The following GULP1 variants were observed in gnomAD, a reference collection of about 807,000 sequenced individuals.
GULP1 encodes the protein PTB domain-containing engulfment adapter protein 1.
Under a neutral mutation model 40.9 loss-of-function variants are expected in GULP1, and 19 were observed. The ratio of observed to expected loss-of-function variants is 0.46; its 90% CI spans 0.32 to 0.68. The LOEUF (loss-of-function observed/expected upper bound fraction) is 0.68. GULP1 is among the 30% of genes least tolerant of loss of function. The pLI is 0.03. For missense variants in GULP1, 312 were observed against 362.2 expected (o/e 0.86, Z 1.12); for synonymous variants, 119 against 117.6 (o/e 1.01, Z -0.08).
chr2:188,407,964 A>C (rs1394789953), intron 2 of GULP1, among the ~76,000 whole-genome samples: 2 of 152,252 alleles, frequency 1.3e-5, no homozygotes, highest in Non-Finnish European at 2.9e-5. Context: ...AATTCCATGT[A>C]AATGGAAACC....
At chr2:188,558,723 G>A (rs910278877) in intron 7 of GULP1, among the ~76,000 whole-genome samples, 47 of 152,316 alleles carry the variant, frequency 3.1e-4, no homozygotes, top group African/African-American at 1.1e-3. Flanking sequence ...TAAGGTCCAG[G>A]TTGAGGTGGT....
At chr2:188,365,528 G>T (rs2046669410) in intron 1 of GULP1, among the ~76,000 whole-genome samples, 1 of 152,178 alleles carries the variant, frequency 6.6e-6, no homozygotes, top group African/African-American at 2.4e-5. Context: ...TAAAATTCTT[G>T]AGTGCTACCA....
intron 1 of GULP1, among the ~76,000 whole-genome samples, chr2:188,301,570 A>G (rs1427291342): frequency 6.6e-6 from 1 of 152,190 alleles, no homozygotes. Context: ...GGGGAAGTCA[A>G]TCCTACTCCT....
intron 2 of GULP1, among the ~76,000 whole-genome samples, chr2:188,443,695 T>G (rs1393796090): frequency 6.6e-6 from 1 of 151,418 alleles, no homozygotes; most frequent in Non-Finnish European, 1.5e-5. Context: ...CTTTTCTTTT[T>G]TTTTTTTTTG....
intron 4 of GULP1, among the ~76,000 whole-genome samples, chr2:188,498,914 T>C (rs1337028729): frequency 6.6e-6 from 1 of 151,418 alleles, no homozygotes; most frequent in East Asian, 1.9e-4. Context: ...AATCTGGCTT[T>C]ACGTGGAGAA....
intron 1 of GULP1, among the ~76,000 whole-genome samples, chr2:188,360,531 C>T (rs2045942386): frequency 6.6e-6 from 1 of 151,804 alleles, no homozygotes; most frequent in South Asian, 2.1e-4. Flanking sequence ...CTGCTTCCAC[C>T]TGTGAAATCT....
chr2:188,532,245 A>G (rs114339340), intron 6 of GULP1, among the ~76,000 whole-genome samples: 3,674 of 152,288 alleles, frequency 0.024, 94 homozygotes, highest in African/African-American at 0.05. Context: ...GAATGTTTCA[A>G]ATTTTTTGTT....
At chr2:188,367,229 T>C (rs1197752555) in intron 1 of GULP1, among the ~76,000 whole-genome samples, 4 of 152,170 alleles carry the variant, frequency 2.6e-5, no homozygotes, top group African/African-American at 9.7e-5. Flanking sequence ...TCCCACTGTT[T>C]ATAGTTTTTC....
At chr2:188,369,043 A>G (rs976089235) in intron 1 of GULP1, among the ~76,000 whole-genome samples, 31 of 146,236 alleles carry the variant, frequency 2.1e-4, no homozygotes, top group Admixed American at 4.8e-4. Context: ...TCTCACTGCA[A>G]CCTGCCTCCT....
chr2:188,553,503 G>A (rs1184281620), intron 7 of GULP1, among the ~76,000 whole-genome samples: 2 of 151,958 alleles, frequency 1.3e-5, no homozygotes, highest in African/African-American at 4.8e-5. Flanking sequence ...CGCATCTCTG[G>A]TATAAATCCC....
At chr2:188,479,930 C>G (rs963441068) in intron 3 of GULP1, among the ~76,000 whole-genome samples, 2 of 152,038 alleles carry the variant, frequency 1.3e-5, no homozygotes, top group Admixed American at 6.6e-5. Context: ...TTGCTTCATT[C>G]TCTTTGAATT....
chr2:188,529,893 T>C (rs1687133851), intron 6 of GULP1, among the ~76,000 whole-genome samples: 1 of 152,152 alleles, frequency 6.6e-6, no homozygotes, highest in South Asian at 2.1e-4. Context: ...ACAAATTAAA[T>C]TTAGCAGAGT....
chr2:188,370,667 T>C (rs1559160763), intron 1 of GULP1, among the ~76,000 whole-genome samples: 1 of 152,216 alleles, frequency 6.6e-6, no homozygotes, highest in Non-Finnish European at 1.5e-5. Flanking sequence ...TAAAACATAA[T>C]AAAGATTGCA....
At chr2:188,593,415 G>T (rs1002530392) in intron 11 of GULP1, 2 of 152,102 alleles carry the variant, frequency 1.3e-5, no homozygotes, top group African/African-American at 4.8e-5. Context: ...GCTAGTAGGG[G>T]AAGTTTTCTC....
At chr2:188,485,654 A>G (rs1252491992) in intron 4 of GULP1, among the ~76,000 whole-genome samples, 1 of 152,052 alleles carries the variant, frequency 6.6e-6, no homozygotes, top group Non-Finnish European at 1.5e-5. Flanking sequence ...GGTTTATATC[A>G]TGACTCCAAC....
chr2:188,452,406 A>T (rs2058906012), intron 2 of GULP1, among the ~76,000 whole-genome samples: 2 of 152,208 alleles, frequency 1.3e-5, no homozygotes, highest in Non-Finnish European at 2.9e-5. Flanking sequence ...GAGATAGATC[A>T]CATAGTTCAA....
At chr2:188,410,890 A>C (rs1472828712) in intron 2 of GULP1, among the ~76,000 whole-genome samples, 1 of 152,228 alleles carries the variant, frequency 6.6e-6, no homozygotes, top group African/African-American at 2.4e-5. Flanking sequence ...GGCTGAAGGC[A>C]GCCTAATCCT....
Position 188,352,983 on chromosome 2 carries a change from T to C in GULP1, c.-171-30780T>C, listed in dbSNP as rs1168295903. The stretch of plus-strand genomic sequence containing the variant: ...CCATTAAATAAAGTCATTTTCCCTA[T>C]TGAAGTTGATCGGTAAGGTTTTGGC... On this transcript the variant is annotated intron_variant, in intron 1 of 11. Coordinates refer to ENST00000409830, the MANE Select transcript of GULP1 (RefSeq NM_016315.4). Among the ~76,000 whole-genome samples, 6 of 152,142 alleles carry C rather than the reference T, an allele frequency of 3.9e-5. No individual in the cohort carries two copies. In the East Asian group the frequency reaches 1.2e-3, roughly 29 times the overall value.
chr2:188,587,188 T>C (rs1702567307), intron 10 of GULP1, among the ~76,000 whole-genome samples: 1 of 152,098 alleles, frequency 6.6e-6, no homozygotes, highest in South Asian at 2.1e-4. Context: ...TCTTTAGTGA[T>C]AAAAAAGTAG....
Sources: allele counts gnomAD v4.1 joint callset (sites outside exome capture counted in the v4.1 genomes callset), GRCh38; gene constraint gnomAD v4.1.1; transcripts MANE v1.5; gene names NCBI Gene and HGNC (gene_info 2026-07-23, HGNC 2026-07-21).